Variants in DYM observed in about 807,000 individuals in gnomAD.
The protein encoded by DYM is dyggve-Melchior-Clausen syndrome protein.
In DYM, 78 loss-of-function variants were observed where a neutral mutation model predicts 93.1. The ratio of observed to expected loss-of-function variants is 0.84; its 90% CI spans 0.70 to 1.01. The LOEUF (loss-of-function observed/expected upper bound fraction) is 1.01, where lower values mean the gene tolerates loss of function less well. Among genes scored for constraint, DYM ranks in the 50% least tolerant of loss-of-function variants. The pLI is 0.00. For missense variants in DYM, 789 were observed against 845.0 expected, an observed-to-expected ratio of 0.93 and a Z score of 0.82; for synonymous variants, 321 against 319.7, an observed-to-expected ratio of 1.00 and a Z score of -0.04.
chr18:49,127,939 G>T (rs1192667978), intron 15 of DYM, among the ~76,000 whole-genome samples: 1 of 152,198 alleles, frequency 6.6e-6, no homozygotes, highest in African/African-American at 2.4e-5. Flanking sequence ...GTCTCATGCG[G>T]GGATGTAAAA....
chr18:49,139,648 C>T (rs1372204695), intron 15 of DYM, among the ~76,000 whole-genome samples: 1 of 151,936 alleles, frequency 6.6e-6, no homozygotes, highest in African/African-American at 2.4e-5. Flanking sequence ...TAAGCAAATC[C>T]CCTTATATCT....
At position 49,040,032 on chromosome 18, in the gene DYM, G is replaced by A. The variant is rs936854616; in HGVS notation, c.*4023C>T. ...CATTTGCTTCAATTGGGCACCTGAA[G>A]GCATCAGTAATCTGGTTTCACCTCG... is the stretch of plus-strand genomic sequence containing the variant. On this transcript the variant is annotated 3_prime_UTR_variant, in exon 18 of 18. Coordinates refer to ENST00000675505, the MANE Select transcript of DYM (RefSeq NM_001353214.3). 3 of 152,200 alleles carry A rather than the reference G, an allele frequency of 2.0e-5. No homozygotes were observed. The highest frequency in any genetic ancestry group is 7.2e-5 in the African/African-American group (3 of 41,436). The allele number at this position is 152,200 out of a possible 1,614,324, so 9.4% of individuals were successfully genotyped here. A position where few individuals can be genotyped will look rare whatever the true frequency, so the allele number is the denominator to read the frequency against.
intron 8 of DYM, among the ~76,000 whole-genome samples, chr18:49,331,371 C>T (rs1233539663): frequency 6.6e-6 from 1 of 152,202 alleles, no homozygotes; most frequent in Non-Finnish European, 1.5e-5. Flanking sequence ...CCCAATCAAA[C>T]AAAACTCAAG....
intron 2 of DYM, chr18:49,412,939 G>C (rs999495696): frequency 6.6e-6 from 1 of 152,182 alleles, no homozygotes. Context: ...CTCTACTCAA[G>C]GCAAGGTGAA....
intron 13 of DYM, among the ~76,000 whole-genome samples, chr18:49,219,038 A>C (rs959708511): frequency 3.9e-5 from 6 of 152,254 alleles, no homozygotes; most frequent in Non-Finnish European, 8.8e-5. Flanking sequence ...AACAGAGAAG[A>C]ATCAAATAGA....
intron 14 of DYM, among the ~76,000 whole-genome samples, chr18:49,184,739 GCAC>G (rs2090276923): frequency 6.6e-6 from 1 of 152,134 alleles, no homozygotes; most frequent in Non-Finnish European, 1.5e-5. Context: ...GCAGCACAGT[GCAC>G]AATTAAAAAC....
At chr18:49,460,040 A>T (rs944546632) in intron 1 of DYM, among the ~76,000 whole-genome samples, 6 of 152,202 alleles carry the variant, frequency 3.9e-5, no homozygotes. Context: ...TATGTTAGTT[A>T]TACCTCGATA....
chr18:49,319,308 C>T (rs144313208), intron 8 of DYM, among the ~76,000 whole-genome samples: 2 of 152,120 alleles, frequency 1.3e-5, no homozygotes, highest in African/African-American at 4.8e-5. Flanking sequence ...AAAAATGATA[C>T]TGATAGCTAG....
chr18:49,164,339 A>G (rs1568526545), intron 14 of DYM, among the ~76,000 whole-genome samples: 1 of 144,964 alleles, frequency 6.9e-6, no homozygotes. Flanking sequence ...ACTGAAAACT[A>G]AAAAAAAAAA....
intron 17 of DYM, among the ~76,000 whole-genome samples, chr18:49,091,581 C>A (rs779037286): frequency 2.6e-5 from 4 of 152,082 alleles, no homozygotes; most frequent in Admixed American, 6.6e-5. Flanking sequence ...GTTCACACAG[C>A]GGCTGATGTT....
chr18:49,225,540 C>G (rs755354433), intron 13 of DYM, among the ~76,000 whole-genome samples: 2 of 151,930 alleles, frequency 1.3e-5, no homozygotes, highest in Non-Finnish European at 2.9e-5. Context: ...ATAATAGAGA[C>G]TATAATAATA....
At chr18:49,168,797 A>G (rs1941604027) in intron 14 of DYM, among the ~76,000 whole-genome samples, 2 of 152,206 alleles carry the variant, frequency 1.3e-5, no homozygotes, top group East Asian at 1.9e-4. Context: ...TGCATTCCAC[A>G]GAGGAAATCT....
intron 8 of DYM, among the ~76,000 whole-genome samples, chr18:49,296,984 C>A (rs1015341591): frequency 2.6e-5 from 4 of 152,148 alleles, no homozygotes; most frequent in Admixed American, 6.5e-5. Context: ...AGGGCTCCAA[C>A]TTATAAACTT....
At chr18:49,279,247 C>T (rs937619551) in intron 10 of DYM, among the ~76,000 whole-genome samples, 3 of 152,170 alleles carry the variant, frequency 2.0e-5, no homozygotes, top group South Asian at 2.1e-4. Context: ...CAACACCTGT[C>T]GCTGAATACA....
At chr18:49,234,291 CAAAAAATAGA>C (rs1338941669) in intron 13 of DYM, among the ~76,000 whole-genome samples, 1 of 151,778 alleles carries the variant, frequency 6.6e-6, no homozygotes, top group Non-Finnish European at 1.5e-5. Context: ...CCTGTGTCTA[CAAAAAATAGA>C]AAAAAATTAG....
At chr18:49,145,108 C>CACATATATATATATATATAT (rs74174741) in intron 15 of DYM, among the ~76,000 whole-genome samples, 12 of 18,742 alleles carry the variant, frequency 6.4e-4, no homozygotes, top group Non-Finnish European at 1.5e-3. Context: ...CAAAAAAATT[C>CACATATATATATATATATAT]ATATATATAT....
chr18:49,317,433 G>A (rs1304071265), intron 8 of DYM, among the ~76,000 whole-genome samples: 1 of 151,980 alleles, frequency 6.6e-6, no homozygotes, highest in East Asian at 1.9e-4. Flanking sequence ...AAGTAGAGAA[G>A]GCATCTGAAA....
chr18:49,145,055 A>G lies in DYM; in HGVS notation c.1728+18630T>C, dbSNP rs2084931762. ...TTCAAGGCTGCAGTGAACTATGATC[A>G]CACACTGAGCTCCAGCCTGGGCAAC... On this transcript the variant is annotated intron_variant, in intron 15 of 17. Coordinates refer to ENST00000675505, the MANE Select transcript of DYM (RefSeq NM_001353214.3). Among the ~76,000 whole-genome samples the G allele has an allele frequency of 2.8e-5, 4 of 143,830 alleles. No individual in the cohort carries two copies. The East Asian group carries it at 8.0e-4, about 29-fold the overall frequency. The allele number at this position is 143,830 out of a possible 152,430, so 94.4% of individuals were successfully genotyped here. A position where few individuals can be genotyped will look rare whatever the true frequency, so the allele number is the denominator to read the frequency against.
At chr18:49,300,908 A>G (rs2060891205) in intron 8 of DYM, among the ~76,000 whole-genome samples, 1 of 152,162 alleles carries the variant, frequency 6.6e-6, no homozygotes, top group South Asian at 2.1e-4. Flanking sequence ...AAAGATAGAA[A>G]GAGTTTCTTC....
Sources: allele counts gnomAD v4.1 joint callset (sites outside exome capture counted in the v4.1 genomes callset), GRCh38; gene constraint gnomAD v4.1.1; transcripts MANE v1.5; gene names NCBI Gene and HGNC (gene_info 2026-07-23, HGNC 2026-07-21).